RASGRF2: variants seen among roughly 807,000 people sequenced by gnomAD.
RASGRF2 encodes ras-specific guanine nucleotide-releasing factor 2.
Under a neutral mutation model 151.0 loss-of-function variants are expected in RASGRF2, and 76 were observed. The observed-to-expected ratio is 0.50, with a 90% CI of 0.42 to 0.61. The LOEUF (loss-of-function observed/expected upper bound fraction) is 0.61. RASGRF2 is among the 20% of genes least tolerant of loss of function. The pLI, the probability that RASGRF2 is intolerant of heterozygous loss-of-function variation, is 0.00. For synonymous variants in RASGRF2, 504 were observed against 566.5 expected, an observed-to-expected ratio of 0.89 and a Z score of 1.57; for missense variants, 1,148 against 1,564.6, an observed-to-expected ratio of 0.73 and a Z score of 4.49.
chr5:81,013,591 T>C (rs1190904776), intron 1 of RASGRF2, among the ~76,000 whole-genome samples: 1 of 149,810 alleles, frequency 6.7e-6, no homozygotes, highest in Non-Finnish European at 1.5e-5. Context: ...CCCAAATATA[T>C]TTGTTATATA....
At chr5:80,968,093 A>G (rs1021165993) in intron 1 of RASGRF2, among the ~76,000 whole-genome samples, 4 of 152,270 alleles carry the variant, frequency 2.6e-5, no homozygotes, top group Non-Finnish European at 4.4e-5. Context: ...TGTGAGGCTC[A>G]CAGGCCAAGC....
intron 1 of RASGRF2, among the ~76,000 whole-genome samples, chr5:80,981,575 GC>G (rs1748302369): frequency 1.3e-5 from 2 of 151,948 alleles, no homozygotes. Context: ...TCTAGAGAGT[GC>G]TTTTTTTGAG....
At chr5:81,116,062 A>ATTTATT (rs1344487796) in intron 15 of RASGRF2, among the ~76,000 whole-genome samples, 1 of 52,554 alleles carries the variant, frequency 1.9e-5, no homozygotes, top group Non-Finnish European at 4.7e-5. Context: ...GGTGAATGCC[A>ATTTATT]TTTCTTTTTT....
chr5:81,106,007 G>T (rs1361867703), intron 12 of RASGRF2, among the ~76,000 whole-genome samples: 1 of 152,214 alleles, frequency 6.6e-6, no homozygotes, highest in Non-Finnish European at 1.5e-5. Context: ...AAATGCAGAT[G>T]TAAGACAGCC....
intron 17 of RASGRF2, among the ~76,000 whole-genome samples, chr5:81,138,121 T>C (rs1358607636): frequency 1.3e-5 from 2 of 152,240 alleles, no homozygotes; most frequent in African/African-American, 4.8e-5. Context: ...CTCTTTCTGC[T>C]GTAATCTACT....
At chr5:81,207,938 T>A (rs1755547742) in intron 21 of RASGRF2, among the ~76,000 whole-genome samples, 1 of 152,252 alleles carries the variant, frequency 6.6e-6, no homozygotes, top group Non-Finnish European at 1.5e-5. Flanking sequence ...TGCTTCTGAC[T>A]AACATTTTTG....
intron 1 of RASGRF2, among the ~76,000 whole-genome samples, chr5:81,015,185 TTTA>T (rs1348274875): frequency 6.6e-6 from 1 of 152,182 alleles, no homozygotes; most frequent in Non-Finnish European, 1.5e-5. Flanking sequence ...AACTCTAGAT[TTTA>T]TTATTTTTAA....
chr5:81,223,919 G>A (rs1166794961), intron 26 of RASGRF2, among the ~76,000 whole-genome samples: 1 of 152,130 alleles, frequency 6.6e-6, no homozygotes, highest in African/African-American at 2.4e-5. Context: ...AAATATTCAT[G>A]ACCTTTGGAT....
intron 26 of RASGRF2, chr5:81,223,251 G>GATAGGCAA (rs1755892062): frequency 6.6e-6 from 1 of 152,156 alleles, no homozygotes; most frequent in African/African-American, 2.4e-5. Context: ...GGGAGGCATA[G>GATAGGCAA]ATAGGCAAAA....
chr5:81,160,396 G>T (rs1003114722), intron 17 of RASGRF2, among the ~76,000 whole-genome samples: 2 of 151,964 alleles, frequency 1.3e-5, no homozygotes, highest in African/African-American at 4.8e-5. Context: ...ACTCCGGCCT[G>T]GGAGACAGGG....
chr5:80,974,818 G>A (rs1748058371), intron 1 of RASGRF2, among the ~76,000 whole-genome samples: 1 of 152,196 alleles, frequency 6.6e-6, no homozygotes, highest in Non-Finnish European at 1.5e-5. Flanking sequence ...TTTGATGAAT[G>A]CTGGACATTG....
At chr5:81,029,013 G>A (rs1580224093) in intron 1 of RASGRF2, among the ~76,000 whole-genome samples, 1 of 152,224 alleles carries the variant, frequency 6.6e-6, no homozygotes, top group African/African-American at 2.4e-5. Context: ...CCCACGCCTG[G>A]CTCGGAGGGT....
At chr5:81,043,293 C>CT (rs1296380727) in intron 2 of RASGRF2, among the ~76,000 whole-genome samples, 2 of 152,176 alleles carry the variant, frequency 1.3e-5, no homozygotes, top group African/African-American at 4.8e-5. Context: ...TTGACTCACT[C>CT]TGTCAACAAT....
chr5:81,195,240 C>T (rs541524808), intron 18 of RASGRF2, among the ~76,000 whole-genome samples: 2 of 152,284 alleles, frequency 1.3e-5, no homozygotes, highest in East Asian at 1.9e-4. Flanking sequence ...ATCTTGTGGG[C>T]GCCTCGATTG....
At chr5:81,185,282 G>A (rs746409072) in intron 18 of RASGRF2, among the ~76,000 whole-genome samples, 1 of 152,186 alleles carries the variant, frequency 6.6e-6, no homozygotes, top group Non-Finnish European at 1.5e-5. Flanking sequence ...GCTAGCCTCC[G>A]TGTTAAGGTG....
chr5:81,062,100 C>T (rs1751461074), intron 2 of RASGRF2, among the ~76,000 whole-genome samples: 1 of 151,940 alleles, frequency 6.6e-6, no homozygotes, highest in Non-Finnish European at 1.5e-5. Context: ...CCTCAGCTTC[C>T]CAAAGTGTTG....
At chr5:81,190,189 C>T (rs2112693033) in intron 18 of RASGRF2, among the ~76,000 whole-genome samples, 1 of 152,318 alleles carries the variant, frequency 6.6e-6, no homozygotes, top group East Asian at 1.9e-4. Context: ...ATAGAGAATG[C>T]TCCGTTTAAT....
At chr5:81,114,210 G>C (rs1173619522) in intron 15 of RASGRF2, among the ~76,000 whole-genome samples, 4 of 152,226 alleles carry the variant, frequency 2.6e-5, no homozygotes, top group Non-Finnish European at 4.4e-5. Flanking sequence ...GAGAGTTCTT[G>C]GAATTTGGTT....
At chr5:81,030,987 AG>A (rs1750222956) in intron 1 of RASGRF2, among the ~76,000 whole-genome samples, 1 of 152,236 alleles carries the variant, frequency 6.6e-6, no homozygotes, top group African/African-American at 2.4e-5. Flanking sequence ...AAAAAAAGGC[AG>A]GGGTTGCAAT....
Sources: allele counts gnomAD v4.1 joint callset (sites outside exome capture counted in the v4.1 genomes callset), GRCh38; gene constraint gnomAD v4.1.1; transcripts MANE v1.5; gene names NCBI Gene and HGNC (gene_info 2026-07-23, HGNC 2026-07-21).